The following KAZN variants were observed in gnomAD, a reference collection of about 807,000 sequenced individuals.
The protein encoded by KAZN is kazrin, periplakin interacting protein.
KAZN carries 40 observed loss-of-function variants against 87.4 expected under a neutral mutation model. The observed-to-expected ratio is 0.46, with a 90% CI of 0.36 to 0.60. The LOEUF (loss-of-function observed/expected upper bound fraction) is 0.60, where lower values mean the gene tolerates loss of function less well. Among genes scored for constraint, KAZN ranks in the 20% least tolerant of loss-of-function variants. The pLI is 0.00. For synonymous variants in KAZN, 466 were observed against 458.3 expected (o/e 1.02, Z -0.22); for missense variants, 898 against 1,073.9 (o/e 0.84, Z 2.29).
chr1:14,511,329 C>T (rs1291471499), intron 2 of KAZN, among the ~76,000 whole-genome samples: 1 of 152,150 alleles, frequency 6.6e-6, no homozygotes, highest in East Asian at 1.9e-4. Flanking sequence ...CTAAGAGAGA[C>T]ACATATTGGA....
chr1:14,555,565 G>T (rs79248117), intron 2 of KAZN, among the ~76,000 whole-genome samples: 193 of 152,252 alleles, frequency 1.3e-3, no homozygotes, highest in African/African-American at 4.5e-3. Context: ...TGACATCCCT[G>T]GAGATCAAAA....
rs202201519 is a variant in KAZN at position 14,910,050 on chromosome 1, C to CAATA, written c.227-50624_227-50621dup. 5.6e-3 allele frequency among the ~76,000 whole-genome samples: 767 copies of CAATA among 137,858 alleles called. 7 individuals carry two copies. Among genetic ancestry groups the CAATA allele is most frequent in the African/African-American group, 0.015 (590 of 38,406 alleles). 90.4% of individuals were successfully genotyped at this position (137,858 alleles called of 152,430 possible). A position where few individuals can be genotyped will look rare whatever the true frequency, so the allele number is the denominator to read the frequency against. ...TGGGCGACAGAGTAAGACCTTGTCT[C>CAATA]AATAAATAAATAATGAATGAATGAA... On this transcript the variant is annotated intron_variant, in intron 1 of 14. Coordinates refer to ENST00000376030, the MANE Select transcript of KAZN (RefSeq NM_201628.3).
intron 8 of KAZN, among the ~76,000 whole-genome samples, chr1:15,082,754 A>G (rs894879787): frequency 2.0e-5 from 3 of 152,180 alleles, no homozygotes; most frequent in Non-Finnish European, 4.4e-5. Flanking sequence ...GTGCAGTGGC[A>G]TGATCTCGAC....
chr1:14,250,400 C>G (rs1649914499), intron 2 of KAZN, among the ~76,000 whole-genome samples: 1 of 151,484 alleles, frequency 6.6e-6, no homozygotes, highest in Non-Finnish European at 1.5e-5. Flanking sequence ...TATATGAGAT[C>G]CGGGATTTTT....
chr1:14,352,853 A>G (rs1038362284), intron 2 of KAZN, among the ~76,000 whole-genome samples: 1 of 152,256 alleles, frequency 6.6e-6, no homozygotes, highest in Non-Finnish European at 1.5e-5. Context: ...CAGGAATGCA[A>G]GGTTTATTTA....
chr1:14,087,248 ATTTAATT>A (rs1643879228), intron 1 of KAZN, among the ~76,000 whole-genome samples: 1 of 152,142 alleles, frequency 6.6e-6, no homozygotes, highest in African/African-American at 2.4e-5. Context: ...GCATTTTCAT[ATTTAATT>A]TCCAATTTTC....
intron 8 of KAZN, among the ~76,000 whole-genome samples, chr1:15,093,021 C>T (rs764858296): frequency 4.0e-5 from 6 of 151,886 alleles, no homozygotes; most frequent in Non-Finnish European, 8.8e-5. Flanking sequence ...AATAAATCAC[C>T]CAGTTGCCCA....
intron 2 of KAZN, among the ~76,000 whole-genome samples, chr1:14,303,266 G>A (rs1355621854): frequency 1.3e-5 from 2 of 152,054 alleles, no homozygotes; most frequent in Non-Finnish European, 1.5e-5. Context: ...GTCTACAAAG[G>A]TGTGTCTCAC....
intron 1 of KAZN, among the ~76,000 whole-genome samples, chr1:14,056,394 G>A (rs61777747): frequency 0.14 from 21,359 of 152,148 alleles, 1,898 homozygotes; most frequent in Middle Eastern, 0.27. Flanking sequence ...GGAGGGATGT[G>A]GACCACAGGG....
chr1:15,017,275 G>A (rs1189166763), intron 2 of KAZN, among the ~76,000 whole-genome samples: 4 of 152,084 alleles, frequency 2.6e-5, no homozygotes, highest in South Asian at 4.2e-4. Context: ...TCCAGCTTGC[G>A]CAACAGAGCG....
At chr1:14,065,124 C>T (rs1363873993) in intron 1 of KAZN, among the ~76,000 whole-genome samples, 2 of 152,104 alleles carry the variant, frequency 1.3e-5, no homozygotes, top group African/African-American at 4.8e-5. Flanking sequence ...TATGGGGAGA[C>T]CTCTGACAAC....
At chr1:14,686,390 G>A (rs1640955272) in intron 1 of KAZN, among the ~76,000 whole-genome samples, 1 of 152,210 alleles carries the variant, frequency 6.6e-6, no homozygotes, top group Non-Finnish European at 1.5e-5. Flanking sequence ...AGATCGTACT[G>A]GAATTTCTAG....
At chr1:14,754,419 G>C (rs1644500484) in intron 1 of KAZN, among the ~76,000 whole-genome samples, 1 of 150,716 alleles carries the variant, frequency 6.6e-6, no homozygotes, top group African/African-American at 2.5e-5. Context: ...GATCCCCTGA[G>C]GTCAGGAGTT....
In KAZN at chr1:14,514,329, A is replaced by AATATATATATATATAT. The variant is rs1553182397; in HGVS notation, c.250-84652_250-84651insATATATATATATATAT. Among the ~76,000 whole-genome samples, 25 of 23,500 alleles carry AATATATATATATATAT rather than the reference A, an allele frequency of 1.1e-3. 1 individual carries two copies. Among genetic ancestry groups the AATATATATATATATAT allele is most frequent in the South Asian group, 4.1e-3 (2 of 486 alleles). The allele number at this position is 23,500 out of a possible 152,430, so 15.4% of individuals were successfully genotyped here. A position where few individuals can be genotyped will look rare whatever the true frequency, so the allele number is the denominator to read the frequency against. On this transcript the variant is annotated intron_variant, in intron 2 of 16. Coordinates refer to the KAZN transcript ENST00000636203. The stretch of plus-strand genomic sequence containing the variant: ...GACAGAGCAAGACTCTGTCTCAAAA[A>AATATATATATATATAT]ATTTATATATATATTTATATATATT...
chr1:14,479,843 AGCAG>A (rs1668970213), intron 2 of KAZN, among the ~76,000 whole-genome samples: 4 of 152,170 alleles, frequency 2.6e-5, no homozygotes, highest in Non-Finnish European at 4.4e-5. Context: ...CCCCTACTTC[AGCAG>A]GTGTCTCTAT....
intron 2 of KAZN, among the ~76,000 whole-genome samples, chr1:14,506,150 AGAT>A (rs1224899043): frequency 6.6e-6 from 1 of 152,224 alleles, no homozygotes; most frequent in African/African-American, 2.4e-5. Flanking sequence ...CAGGCCAGAA[AGAT>A]GATACCACTT....
chr1:14,129,859 G>T (rs1644955148), intron 1 of KAZN, among the ~76,000 whole-genome samples: 1 of 152,148 alleles, frequency 6.6e-6, no homozygotes, highest in Non-Finnish European at 1.5e-5. Context: ...TTGTGTAAAG[G>T]AAATCATTTC....
At chr1:14,340,480 A>C (rs928829783) in intron 2 of KAZN, among the ~76,000 whole-genome samples, 5 of 152,250 alleles carry the variant, frequency 3.3e-5, no homozygotes, top group African/African-American at 1.2e-4. Context: ...CAGTTCTGGC[A>C]GTTACTGAGT....
upstream of KAZN, chr1:14,598,648 G>A (rs1676675826): frequency 8.5e-7 from 1 of 1,174,684 alleles, no homozygotes; most frequent in Non-Finnish European, 1.1e-6. This position sits in a 1 kb window ranked among gnomAD's most constrained non-coding sequence, Gnocchi z 4.2. Context: ...GCGAATGGTA[G>A]GCTCCATTTA....
Sources: allele counts gnomAD v4.1 joint callset (sites outside exome capture counted in the v4.1 genomes callset), GRCh38; gene constraint gnomAD v4.1.1; non-coding constraint Gnocchi (gnomAD v3.1); transcripts MANE v1.5; gene names NCBI Gene and HGNC (gene_info 2026-07-23, HGNC 2026-07-21).